Variants in MDGA2 observed in about 807,000 individuals in gnomAD.
MDGA2 encodes the protein MAM domain containing glycosylphosphatidylinositol anchor 2.
In MDGA2, 40 loss-of-function variants were observed where a neutral mutation model predicts 117.8. The observed-to-expected ratio is 0.34, with a 90% confidence interval of 0.26 to 0.44. The LOEUF is 0.44. MDGA2 is among the 20% of genes least tolerant of loss of function. MDGA2 has a pLI of 1.00. For missense variants in MDGA2, 1,123 were observed against 1,250.6 expected (o/e 0.90, Z 1.54); for synonymous variants, 452 against 439.0 (o/e 1.03, Z -0.37).
chr14:47,538,686 G>A (rs954960733), intron 1 of MDGA2, among the ~76,000 whole-genome samples: 2 of 152,168 alleles, frequency 1.3e-5, no homozygotes, highest in African/African-American at 4.8e-5. Flanking sequence ...GATTGTGTGT[G>A]TATATGTTTC....
chr14:47,473,875 T>C (rs1365456953), intron 1 of MDGA2, among the ~76,000 whole-genome samples: 1 of 152,132 alleles, frequency 6.6e-6, no homozygotes, highest in Admixed American at 6.6e-5. Flanking sequence ...ACCAATATCA[T>C]ACTGAATGGG....
rs577550504 is a variant in MDGA2, at chr14:47,433,762, T to C, written c.281-132212A>G. On this transcript the variant is annotated intron_variant, in intron 1 of 16. Coordinates refer to ENST00000399232, the MANE Select transcript of MDGA2 (RefSeq NM_001113498.3). ...GAAAAATGAAATCATCTCTTTGTAA[T>C]TCAAAGCAGACAAAGCATTATCTGC... 5.3e-5 allele frequency among the ~76,000 whole-genome samples: 8 copies of C among 152,252 alleles called. No individual in the cohort carries two copies. In the South Asian group the frequency reaches 1.7e-3, roughly 32 times the overall value.
In MDGA2 at chr14:47,087,645, C is replaced by T. The variant is rs374080155; in HGVS notation, c.1195+9209G>A. Among the ~76,000 whole-genome samples, 36 of 151,980 alleles carry T rather than the reference C, an allele frequency of 2.4e-4. 1 individual carries two copies. The highest frequency in any genetic ancestry group is 2.1e-3 in the East Asian group (11 of 5,150). On this transcript the variant is annotated intron_variant, in intron 6 of 16. Transcript: ENST00000399232. Reference sequence around the variant, plus strand: ...ACCAGATCACAGATATCTTGTCCTACACCTTCCTGCCTATAGATCATTTAG... The same window carrying T: ...ACCAGATCACAGATATCTTGTCCTATACCTTCCTGCCTATAGATCATTTAG...
intron 15 of MDGA2, among the ~76,000 whole-genome samples, chr14:46,849,999 G>C (rs1880997442): frequency 6.6e-5 from 10 of 151,770 alleles, no homozygotes; most frequent in Admixed American, 6.6e-4. Flanking sequence ...CCGCACAATA[G>C]CACTATTATT....
intron 6 of MDGA2, among the ~76,000 whole-genome samples, chr14:47,076,174 A>T (rs914420404): frequency 3.9e-5 from 6 of 152,158 alleles, no homozygotes; most frequent in African/African-American, 1.4e-4. Context: ...CTACTACTCA[A>T]AATCTCATAG....
intron 1 of MDGA2, among the ~76,000 whole-genome samples, chr14:47,386,676 G>C (rs189110080): frequency 6.6e-6 from 1 of 152,234 alleles, no homozygotes; most frequent in East Asian, 1.9e-4. Flanking sequence ...CTAGCCTCTG[G>C]CAATTTGTCA....
intron 3 of MDGA2, among the ~76,000 whole-genome samples, chr14:47,197,541 T>G (rs1358279609): frequency 1.3e-5 from 2 of 152,192 alleles, no homozygotes; most frequent in African/African-American, 4.8e-5. Context: ...GGTAACTTGA[T>G]TGACTAAGAC....
chr14:46,983,797 G>C (rs965580423), intron 8 of MDGA2, among the ~76,000 whole-genome samples: 7 of 152,012 alleles, frequency 4.6e-5, no homozygotes, highest in Non-Finnish European at 1.0e-4. Flanking sequence ...ACAGATGGGA[G>C]ACAGTGAGAA....
intron 8 of MDGA2, among the ~76,000 whole-genome samples, chr14:46,996,008 A>G (rs1387682538): frequency 2.0e-5 from 3 of 152,080 alleles, no homozygotes; most frequent in Non-Finnish European, 4.4e-5. Flanking sequence ...GTCTATATCC[A>G]TCCAGTGTCT....
At chr14:47,274,463 A>G (rs771996266) in intron 2 of MDGA2, among the ~76,000 whole-genome samples, 3 of 152,024 alleles carry the variant, frequency 2.0e-5, no homozygotes, top group Non-Finnish European at 4.4e-5. Flanking sequence ...GCCACATTTT[A>G]TTTATCCATT....
At chr14:47,644,565 A>T (rs1897489450) in intron 1 of MDGA2, among the ~76,000 whole-genome samples, 2 of 152,060 alleles carry the variant, frequency 1.3e-5, no homozygotes, top group African/African-American at 2.4e-5. Context: ...TAGGAAGGAG[A>T]GGGAGAAGGG....
intron 2 of MDGA2, among the ~76,000 whole-genome samples, chr14:47,274,598 G>T (rs997735428): frequency 6.6e-6 from 1 of 152,072 alleles, no homozygotes; most frequent in African/African-American, 2.4e-5. Context: ...ACGCTAAGGA[G>T]TAAAACTGCT....
intron 1 of MDGA2, among the ~76,000 whole-genome samples, chr14:47,604,606 C>T (rs987605856): frequency 2.7e-5 from 4 of 150,834 alleles, no homozygotes; most frequent in Non-Finnish European, 5.9e-5. Context: ...GCTAGGATTA[C>T]AGGTGTGAGC....
chr14:47,054,700 A>G (rs1029046982), intron 7 of MDGA2, among the ~76,000 whole-genome samples: 2 of 151,868 alleles, frequency 1.3e-5, no homozygotes, highest in East Asian at 1.9e-4. Context: ...ATAATGCCAC[A>G]TATCTACAAC....
chr14:47,156,071 C>T (rs1297403963), intron 3 of MDGA2, among the ~76,000 whole-genome samples: 1 of 151,570 alleles, frequency 6.6e-6, no homozygotes, highest in African/African-American at 2.4e-5. Context: ...ACTACCCCGG[C>T]TAATTTTTGT....
At chr14:47,239,735 A>G (rs989035622) in intron 2 of MDGA2, among the ~76,000 whole-genome samples, 1 of 151,902 alleles carries the variant, frequency 6.6e-6, no homozygotes, top group Non-Finnish European at 1.5e-5. Flanking sequence ...TCTAAATTAA[A>G]TTATCTGCCT....
In MDGA2 at chr14:47,031,211, A is replaced by AAT. The variant is rs71448159; in HGVS notation, c.1819+3798_1819+3799dup. Among the ~76,000 whole-genome samples, 992 of 136,016 alleles carry AAT rather than the reference A, an allele frequency of 7.3e-3. 7 individuals carry two copies. The highest frequency in any genetic ancestry group is 0.027 in the East Asian group (131 of 4,832). 89.2% of individuals were successfully genotyped at this position (136,016 alleles called of 152,430 possible). ...GGTTCCATTATTTACATTATTTAGA[A>AAT]ATATATATATATATATATACACACA... On this transcript the variant is annotated intron_variant, in intron 8 of 16. Coordinates refer to ENST00000399232, the MANE Select transcript of MDGA2 (RefSeq NM_001113498.3).
intron 14 of MDGA2, among the ~76,000 whole-genome samples, chr14:46,858,962 T>C (rs1422272848): frequency 6.6e-6 from 1 of 152,186 alleles, no homozygotes; most frequent in Non-Finnish European, 1.5e-5. Flanking sequence ...TGTTCAGTTA[T>C]AAATTGACCA....
chr14:47,286,028 G>GTC (rs1335881139), intron 2 of MDGA2, among the ~76,000 whole-genome samples: 1 of 151,732 alleles, frequency 6.6e-6, no homozygotes, highest in Non-Finnish European at 1.5e-5. Context: ...TATATTGTGT[G>GTC]TCTGTGTGTG....
Sources: gnomAD v4.1 joint callset for allele counts (sites outside exome capture counted in the v4.1 genomes callset) on GRCh38, gnomAD v4.1.1 for gene constraint, MANE v1.5 for transcripts, NCBI Gene and HGNC (gene_info 2026-07-23, HGNC 2026-07-21) for gene names.